The following TRIM25 variants were observed in gnomAD, a reference collection of about 807,000 sequenced individuals.
TRIM25 encodes the protein E3 ubiquitin/ISG15 ligase TRIM25.
TRIM25 carries 45 observed loss-of-function variants against 65.2 expected under a neutral mutation model. That is an observed-to-expected ratio of 0.69 (90% CI 0.54 to 0.89). The LOEUF is 0.89. TRIM25 is among the 40% of genes least tolerant of loss of function. TRIM25 has a pLI of 0.00. For missense variants in TRIM25, 714 were observed against 803.7 expected (o/e 0.89, Z 1.35); for synonymous variants, 321 against 340.4 (o/e 0.94, Z 0.63).
At chr17:56,907,624 C>T (rs1909546291) in intron 2 of TRIM25, among the ~76,000 whole-genome samples, 1 of 152,216 alleles carries the variant, frequency 6.6e-6, no homozygotes, top group Admixed American at 6.5e-5. Flanking sequence ...TCCTAATTTA[C>T]CACTCCAACA....
chr17:56,895,745 C>T (rs1598072073), intron 6 of TRIM25, 141 bp from the exon 7 acceptor site: 1 of 1,181,052 alleles, frequency 8.5e-7, no homozygotes, highest in South Asian at 1.5e-5. Flanking sequence ...CTAAAGTCAC[C>T]TTATTCATCT....
chr17:56,913,703 C>T lies in TRIM25; in HGVS notation c.286G>A (p.Ala96Thr), dbSNP rs1405333057. The part of the protein sequence containing the change: ...PADVWTPPAR[A>T]SAPSPNAQVA... ...TGGGCATTCGGGCTGGGTGCAGAGG[C>T]GCGGGCGGGCGGCGTCCAGACGTCG... Residue 96 changes from alanine to threonine, a missense_variant, in exon 1 of 9, where the codon GCC becomes ACC. Coordinates refer to ENST00000316881, the MANE Select transcript of TRIM25 (RefSeq NM_005082.5). The surrounding 1 kb of genome is among the most constrained non-coding windows in gnomAD (Gnocchi z 6.1). 6.4e-7 allele frequency: 1 copy of T among 1,573,366 alleles called. No individual in the cohort carries two copies. Among genetic ancestry groups the T allele is most frequent in the East Asian group, 2.3e-5 (1 of 44,110 alleles).
In TRIM25 at chr17:56,890,661, G is replaced by A. The variant is rs1023408288; in HGVS notation, c.*1039C>T. The A allele has an allele frequency of 8.3e-5, 38 of 456,708 alleles. No homozygotes were observed. The highest frequency in any genetic ancestry group is 6.8e-4 in the African/African-American group (34 of 50,210). The allele number at this position is 456,708 out of a possible 1,614,324, so 28.3% of individuals were successfully genotyped here. A position where few individuals can be genotyped will look rare whatever the true frequency, so the allele number is the denominator to read the frequency against. Reference sequence around the variant, plus strand: ...GCTTCAGGGATCCAGCTTAGCTGGAGGCTTGACTGTGCTAGCCTCGGTGGT... The same window carrying A: ...GCTTCAGGGATCCAGCTTAGCTGGAAGCTTGACTGTGCTAGCCTCGGTGGT... On this transcript the variant is annotated 3_prime_UTR_variant, in exon 9 of 9. Transcript: ENST00000316881.
At chr17:56,907,157 G>A (rs1272779551) in intron 2 of TRIM25, among the ~76,000 whole-genome samples, 1 of 152,240 alleles carries the variant, frequency 6.6e-6, no homozygotes, top group Admixed American at 6.5e-5. Flanking sequence ...AGGGTAATAA[G>A]AAGGGAGAAC....
At chr17:56,895,824 AT>A in intron 6 of TRIM25, 101 bp downstream of exon 6, 1 of 1,462,444 alleles carries the variant, frequency 6.8e-7, no homozygotes, top group Non-Finnish European at 9.3e-7. Context: ...TATAGAACCC[AT>A]CACAGAACCC....
At chr17:56,905,432 T>G (rs994594110) in intron 2 of TRIM25, among the ~76,000 whole-genome samples, 1 of 152,098 alleles carries the variant, frequency 6.6e-6, no homozygotes, top group Non-Finnish European at 1.5e-5. Flanking sequence ...CTAGAGAATA[T>G]CATGCTCTAG....
intron 2 of TRIM25, among the ~76,000 whole-genome samples, chr17:56,907,175 C>T (rs1909537824): frequency 1.3e-5 from 2 of 152,190 alleles, no homozygotes; most frequent in Non-Finnish European, 2.9e-5. Context: ...AACCCTTAAT[C>T]CCTGAATGAT....
intron 8 of TRIM25, among the ~76,000 whole-genome samples, chr17:56,893,722 G>A (rs1300927902): frequency 6.6e-6 from 1 of 152,240 alleles, no homozygotes; most frequent in Non-Finnish European, 1.5e-5. Context: ...CCACTTCCAG[G>A]TTGGACGAGC....
chr17:56,901,515 G>A lies in TRIM25; in HGVS notation c.991C>T (p.His331Tyr). 1 of 1,614,124 alleles carries A rather than the reference G, an allele frequency of 6.2e-7. No homozygotes were observed. Among genetic ancestry groups the A allele is most frequent in the Non-Finnish European group, 8.5e-7 (1 of 1,180,040 alleles). The change falls in exon 4 of 9, where the codon CAC becomes TAC. Residue 331 changes from histidine to tyrosine, a missense_variant. By Grantham distance (83) the His-to-Tyr change is moderately conservative. Coordinates refer to ENST00000316881, the MANE Select transcript of TRIM25 (RefSeq NM_005082.5). ...PVYIPEVELN[H>Y]KLIKGIHQST... ...TGGTGGATGCCTTTTATCAGCTTGT[G>A]GTTCAGTTCCACCTCGGGGATGTAG...
chr17:56,913,848 T>C lies in TRIM25; in HGVS notation c.141A>G (p.Pro47=). The change falls in exon 1 of 9, where the codon CCA becomes CCG. Residue 47 remains proline (P), a synonymous_variant. Coordinates refer to ENST00000316881, the MANE Select transcript of TRIM25 (RefSeq NM_005082.5). This position sits in a 1 kb window ranked among gnomAD's most constrained non-coding sequence, Gnocchi z 6.1. ...LNETWAVQGS[P]YLCPQCRAVY... is the part of the protein sequence containing the mutation. ...CGGCGCGGCACTGCGGGCACAGGTA[T>C]GGCGAGCCCTGGACTGCCCACGTCT... 3.2e-6 allele frequency: 5 copies of C among 1,560,482 alleles called. No individual in the cohort carries two copies. The highest frequency in any genetic ancestry group is 4.3e-6 in the Non-Finnish European group (5 of 1,152,820).
chr17:56,910,906 T>C (rs1026562030), intron 1 of TRIM25, among the ~76,000 whole-genome samples: 3 of 152,172 alleles, frequency 2.0e-5, no homozygotes, highest in East Asian at 1.9e-4. Context: ...AGACCTGTTA[T>C]AGGACTCAGC....
chr17:56,894,906 C>A (rs1010143055), intron 8 of TRIM25, among the ~76,000 whole-genome samples: 2 of 152,028 alleles, frequency 1.3e-5, no homozygotes, highest in African/African-American at 4.8e-5. Flanking sequence ...AGAAGGTGGG[C>A]GGGACAGGGA....
chr17:56,891,037 G>T lies in TRIM25; in HGVS notation c.*663C>A, dbSNP rs1909159039. The T allele has an allele frequency of 2.5e-6, 1 of 405,438 alleles. No individual in the cohort carries two copies. Among genetic ancestry groups the T allele is most frequent in the South Asian group, 1.8e-5 (1 of 55,944 alleles). The allele number at this position is 405,438 out of a possible 1,614,324, so 25.1% of individuals were successfully genotyped here. A position where few individuals can be genotyped will look rare whatever the true frequency, so the allele number is the denominator to read the frequency against. On this transcript the variant is annotated 3_prime_UTR_variant, in exon 9 of 9. Transcript: ENST00000316881. ...GTTTGAAGCTTTAGCTGAAAAGTTT[G>T]CTGTTTGAAAACCATCAATGTGGGG...
At chr17:56,907,722 T>C (rs1398404372) in intron 2 of TRIM25, among the ~76,000 whole-genome samples, 1 of 152,204 alleles carries the variant, frequency 6.6e-6, no homozygotes, top group South Asian at 2.1e-4. Context: ...CCAAAAGACA[T>C]GTCCATATAC....
In TRIM25 at chr17:56,913,740, C is replaced by T. The variant is rs1598081748; in HGVS notation, c.249G>A (p.Arg83=). Residue 83 remains arginine (R), a synonymous_variant, in exon 1 of 9, where the codon CGG becomes CGA. Transcript: ENST00000316881. This position sits in a 1 kb window ranked among gnomAD's most constrained non-coding sequence, Gnocchi z 6.1. ...VEQFLQADLA[R]EPPADVWTPP... is the part of the protein sequence containing the mutation. ...GCGTCCAGACGTCGGCGGGTGGCTC[C>T]CGGGCCAGGTCGGCCTGCAGGAACT... The T allele has an allele frequency of 6.4e-7, 1 of 1,550,948 alleles. No individual in the cohort carries two copies. Among genetic ancestry groups the T allele is most frequent in the African/African-American group, 1.4e-5 (1 of 73,462 alleles).
chr17:56,906,062 C>T (rs1055039088), intron 2 of TRIM25, among the ~76,000 whole-genome samples: 3 of 152,252 alleles, frequency 2.0e-5, no homozygotes, highest in African/African-American at 7.2e-5. Flanking sequence ...GACAGCACTG[C>T]TTTAGTAGCT....
At chr17:56,905,253 A>G (rs570696255) in intron 2 of TRIM25, among the ~76,000 whole-genome samples, 5 of 152,288 alleles carry the variant, frequency 3.3e-5, no homozygotes, top group African/African-American at 1.2e-4. Flanking sequence ...AGTCCCAGCT[A>G]CTCAGGAGGC....
At chr17:56,898,298 C>G (rs759235921) in intron 5 of TRIM25, among the ~76,000 whole-genome samples, 1 of 151,540 alleles carries the variant, frequency 6.6e-6, no homozygotes, top group Non-Finnish European at 1.5e-5. Context: ...GACATGTCAG[C>G]GGTATATGGA....
Position 56,895,403 on chromosome 17 carries a change from A to T in TRIM25, c.1303T>A (p.Ser435Thr), listed in dbSNP as rs1340196310. 1.9e-6 allele frequency: 3 copies of T among 1,613,946 alleles called. No individual in the cohort carries two copies. The highest frequency in any genetic ancestry group is 2.5e-6 in the Non-Finnish European group (3 of 1,180,026). ...GTCTCCAGCACCTTGGCCTTGAGAG[A>T]TGTTGAGTTCGGATGTGAGCTGGTG... ...KATSSHPNST[S>T]LKAKVLETFL... The change falls in exon 8 of 9, where the codon TCT becomes ACT. Residue 435 changes from serine to threonine, a missense_variant. By Grantham distance (58) the Ser-to-Thr change is moderately conservative (BLOSUM62 1). This residue lies in a region of TRIM25 where 413 missense variants were observed against 498.2 expected (regional missense o/e 0.83). Transcript: ENST00000316881.
Sources: allele counts gnomAD v4.1 joint callset (sites outside exome capture counted in the v4.1 genomes callset), GRCh38; gene constraint gnomAD v4.1.1; regional missense constraint gnomAD v4.1.1; non-coding constraint Gnocchi (gnomAD v3.1); transcripts MANE v1.5; gene names NCBI Gene and HGNC (gene_info 2026-07-23, HGNC 2026-07-21).